The following GAP43 variants were observed in gnomAD, a reference collection of about 807,000 sequenced individuals.
GAP43 encodes neuromodulin.
In GAP43, 6 loss-of-function variants were observed where a neutral mutation model predicts 18.6. The ratio of observed to expected loss-of-function variants is 0.32; its 90% CI spans 0.18 to 0.64. GAP43 has a LOEUF of 0.64. Ranked by LOEUF, GAP43 falls within the 30% of genes least tolerant of loss-of-function variation. The pLI, the probability that GAP43 is intolerant of heterozygous loss-of-function variation, is 0.78. For synonymous variants in GAP43, 115 were observed against 111.4 expected (o/e 1.03, Z -0.20); for missense variants, 292 against 295.5 (o/e 0.99, Z 0.09).
intron 1 of GAP43, among the ~76,000 whole-genome samples, chr3:115,626,678 T>C (rs1007191205): frequency 6.6e-6 from 1 of 152,200 alleles, no homozygotes; most frequent in Non-Finnish European, 1.5e-5. Flanking sequence ...CTATGAGGTG[T>C]TTCTTTTGTT....
At chr3:115,691,414 C>T (rs1361710332) in intron 2 of GAP43, among the ~76,000 whole-genome samples, 1 of 152,136 alleles carries the variant, frequency 6.6e-6, no homozygotes, top group East Asian at 1.9e-4. Flanking sequence ...ATTAATTCAG[C>T]GTCAGCTTTG....
chr3:115,671,052 T>C (rs1244399897), intron 1 of GAP43, among the ~76,000 whole-genome samples: 1 of 152,240 alleles, frequency 6.6e-6, no homozygotes, highest in Non-Finnish European at 1.5e-5. Context: ...TTAATTTGCT[T>C]GGAAGGTTGA....
At chr3:115,685,799 G>A (rs112269583) in intron 2 of GAP43, among the ~76,000 whole-genome samples, 2,636 of 152,242 alleles carry the variant, frequency 0.017, 75 homozygotes, top group African/African-American at 0.06. Flanking sequence ...GAAAACCAGC[G>A]GTGGAAGATT....
intron 1 of GAP43, among the ~76,000 whole-genome samples, chr3:115,640,552 A>C (rs1003052174): frequency 6.6e-6 from 1 of 152,034 alleles, no homozygotes; most frequent in Non-Finnish European, 1.5e-5. Flanking sequence ...AACCATTTCT[A>C]CCTCAAAGCT....
At chr3:115,698,078 T>G (rs113080952) in intron 2 of GAP43, among the ~76,000 whole-genome samples, 1 of 74,068 alleles carries the variant, frequency 1.4e-5, no homozygotes, top group Non-Finnish European at 2.4e-5. Context: ...ATATATAATA[T>G]ATAAAATATG....
chr3:115,677,937 A>T (rs1471868164), intron 2 of GAP43, among the ~76,000 whole-genome samples: 3 of 152,254 alleles, frequency 2.0e-5, no homozygotes, highest in African/African-American at 7.2e-5. Flanking sequence ...TATCCCTAAA[A>T]TTCTATGAAT....
At chr3:115,717,607 C>G (rs1709526270) in intron 2 of GAP43, among the ~76,000 whole-genome samples, 1 of 151,680 alleles carries the variant, frequency 6.6e-6, no homozygotes, top group Non-Finnish European at 1.5e-5. Context: ...CCGCACCCAG[C>G]CTGAATTTTA....
At chr3:115,650,931 A>G (rs1222331515) in intron 1 of GAP43, among the ~76,000 whole-genome samples, 1 of 151,946 alleles carries the variant, frequency 6.6e-6, no homozygotes, top group African/African-American at 2.4e-5. Context: ...GGAGTTCCAT[A>G]CCAGCCTCAA....
At chr3:115,663,468 T>G in intron 1 of GAP43, 1 of 1,074,762 alleles carries the variant, frequency 9.3e-7, no homozygotes, top group Non-Finnish European at 1.1e-6. Context: ...TCCCTCCCTC[T>G]TCTCCCAGTA....
intron 1 of GAP43, among the ~76,000 whole-genome samples, chr3:115,651,608 CAGA>C (rs1708518974): frequency 6.6e-6 from 1 of 152,140 alleles, no homozygotes; most frequent in Admixed American, 6.5e-5. Flanking sequence ...AACACAGAAG[CAGA>C]AGGTTGTAGT....
chr3:115,696,249 C>T (rs1173257098), intron 2 of GAP43, among the ~76,000 whole-genome samples: 2 of 152,046 alleles, frequency 1.3e-5, no homozygotes, highest in African/African-American at 2.4e-5. Context: ...CTCCTTCTCC[C>T]GTCTTTCTCA....
At chr3:115,675,758 C>CAAAAAAAAAA (rs67744380) in intron 1 of GAP43, among the ~76,000 whole-genome samples, 1 of 50,528 alleles carries the variant, frequency 2.0e-5, no homozygotes, top group African/African-American at 8.5e-5. Flanking sequence ...GACTCTATCT[C>CAAAAAAAAAA]AAAAAAAAAA....
chr3:115,641,543 C>CAGACAT (rs148731356), intron 1 of GAP43, among the ~76,000 whole-genome samples: 4,848 of 150,314 alleles, frequency 0.032, 88 homozygotes, highest in Non-Finnish European at 0.039. Context: ...CACACACACA[C>CAGACAT]GGTGCTTTCC....
rs548137786 is a variant in GAP43, at chr3:115,623,556, G to A, written c.-134G>A. The A allele has an allele frequency of 5.5e-6, 6 of 1,097,024 alleles. No homozygotes were observed. The highest frequency in any genetic ancestry group is 2.6e-5 in the East Asian group (1 of 39,148). The allele number at this position is 1,097,024 out of a possible 1,614,324, so 68.0% of individuals were successfully genotyped here. ...GGTGTGTGTGAGGGAGAGAGAGGGA[G>A]GGAGGGAGAGAGAGCGCGCTAGCGC... On this transcript the variant is annotated 5_prime_UTR_variant, in exon 1 of 3. Coordinates refer to ENST00000305124, the MANE Select transcript of GAP43 (RefSeq NM_002045.4).
chr3:115,635,750 A>G (rs1708321141), intron 1 of GAP43, among the ~76,000 whole-genome samples: 1 of 151,976 alleles, frequency 6.6e-6, no homozygotes, highest in Admixed American at 6.6e-5. Context: ...TGTGAGCACT[A>G]GTATGCTTAA....
chr3:115,688,995 C>A lies in GAP43; in HGVS notation c.628+12385C>A, dbSNP rs563473032. Among the ~76,000 whole-genome samples, 4 of 152,324 alleles carry A rather than the reference C, an allele frequency of 2.6e-5. No homozygotes were observed. In the East Asian group the frequency reaches 7.7e-4, roughly 29 times the overall value. ...AGCCCTTCTTCCCCATTCTCCAGCC[C>A]TAATAGCTTTCTTAAGGTCTCTTGA... On this transcript the variant is annotated intron_variant, in intron 2 of 2. Transcript: ENST00000305124.
intron 1 of GAP43, among the ~76,000 whole-genome samples, chr3:115,636,560 C>T (rs1293962221): frequency 1.3e-5 from 2 of 152,058 alleles, no homozygotes; most frequent in African/African-American, 4.8e-5. Context: ...CACTCATTTT[C>T]ATGTTCTGTG....
In GAP43 at chr3:115,623,643, A is replaced by G. The variant is rs1376940568; in HGVS notation, c.-47A>G. 4 of 1,611,720 alleles carry G rather than the reference A, an allele frequency of 2.5e-6. No individual in the cohort carries two copies. Among genetic ancestry groups the G allele is most frequent in the Middle Eastern group, 1.7e-4 (1 of 6,054 alleles). On this transcript the variant is annotated 5_prime_UTR_variant, in exon 1 of 3. Transcript: ENST00000305124. ...GAGAGGGGGGGAATAAGAAAGAGAG[A>G]GAAGGAAAGGAGAGAAGGCAGGAAG...
In GAP43 at chr3:115,676,409, G is replaced by T; in HGVS notation, c.427G>T (p.Ala143Ser). The change falls in exon 2 of 3, where the codon GCC (alanine) becomes TCC (serine). Residue 143 changes from alanine to serine, a missense_variant. Physicochemically the swap from Ala to Ser is moderately conservative, Grantham distance 99 (BLOSUM62 1). Transcript: ENST00000305124. ...GGCCGGCTCAGCTGAGACAGAAAGT[G>T]CCACTAAAGCTTCCACTGATAACTC... ...EKAGSAETES[A>S]TKASTDNSPS... The T allele has an allele frequency of 6.2e-7, 1 of 1,613,908 alleles. No homozygotes were observed. Among genetic ancestry groups the T allele is most frequent in the Non-Finnish European group, 8.5e-7 (1 of 1,179,846 alleles).
Sources: gnomAD v4.1 joint callset for allele counts (sites outside exome capture counted in the v4.1 genomes callset) on GRCh38, gnomAD v4.1.1 for gene constraint, MANE v1.5 for transcripts, NCBI Gene and HGNC (gene_info 2026-07-23, HGNC 2026-07-21) for gene names.